The following FSTL5 variants were observed in gnomAD, a reference collection of about 807,000 sequenced individuals.
FSTL5 encodes the protein follistatin like 5.
A neutral mutation model predicts 89.1 loss-of-function variants in FSTL5; 62 were observed. The observed-to-expected ratio is 0.70, with a 90% CI of 0.57 to 0.86. The LOEUF (loss-of-function observed/expected upper bound fraction) is 0.86, where lower values mean the gene tolerates loss of function less well. Ranked by LOEUF, FSTL5 falls within the 40% of genes least tolerant of loss-of-function variation. FSTL5 has a pLI of 0.00. For synonymous variants in FSTL5, 383 were observed against 346.2 expected (o/e 1.11, Z -1.18); for missense variants, 1,057 against 1,001.6 (o/e 1.06, Z -0.75).
chr4:161,387,678 A>C (rs1730692272), intron 15 of FSTL5: 1 of 152,064 alleles, frequency 6.6e-6, no homozygotes, highest in Non-Finnish European at 1.5e-5. Context: ...ATAGAAAAAT[A>C]AAATATTCTC....
chr4:161,919,691 C>T (rs773030051), intron 4 of FSTL5, among the ~76,000 whole-genome samples: 5 of 151,894 alleles, frequency 3.3e-5, no homozygotes, highest in Non-Finnish European at 7.4e-5. Context: ...TGACTATAAA[C>T]GAGAAAATAT....
Position 162,012,944 on chromosome 4 carries a change from G to A in FSTL5, c.160+20681C>T, listed in dbSNP as rs575608328. Among the ~76,000 whole-genome samples, 5 of 152,066 alleles carry A rather than the reference G, an allele frequency of 3.3e-5. No homozygotes were observed. The East Asian group carries it at 9.7e-4, about 29-fold the overall frequency. ...CACTCCTGTAGTTCTAGCACTTTGGGAGGCCAAGGTGGGCAGATCACATGA... is the reference window on the plus strand; with the variant it reads ...CACTCCTGTAGTTCTAGCACTTTGGAAGGCCAAGGTGGGCAGATCACATGA... On this transcript the variant is annotated intron_variant, in intron 3 of 15. Coordinates refer to ENST00000306100, the MANE Select transcript of FSTL5 (RefSeq NM_020116.5).
intron 10 of FSTL5, among the ~76,000 whole-genome samples, chr4:161,535,361 C>T (rs1213820405): frequency 6.6e-6 from 1 of 151,984 alleles, no homozygotes; most frequent in Non-Finnish European, 1.5e-5. Flanking sequence ...CCAGAATCTA[C>T]AAACATCTTA....
chr4:161,557,297 T>A (rs1245468891), intron 8 of FSTL5, among the ~76,000 whole-genome samples: 1 of 151,474 alleles, frequency 6.6e-6, no homozygotes, highest in Non-Finnish European at 1.5e-5. Flanking sequence ...ACACAATTTA[T>A]GTAATTTTTC....
chr4:162,141,330 T>C (rs1732737682), intron 1 of FSTL5, among the ~76,000 whole-genome samples: 1 of 85,926 alleles, frequency 1.2e-5, no homozygotes, highest in African/African-American at 3.9e-5. Context: ...TTAGCCAGGA[T>C]GGTCTCGATC....
intron 4 of FSTL5, among the ~76,000 whole-genome samples, chr4:161,855,463 T>C (rs1203879989): frequency 6.6e-6 from 1 of 152,126 alleles, no homozygotes; most frequent in Non-Finnish European, 1.5e-5. Flanking sequence ...AATAATTTGT[T>C]ATAGAATTTA....
At chr4:161,611,170 GTGTATATA>G (rs1179991214) in intron 7 of FSTL5, among the ~76,000 whole-genome samples, 6 of 144,060 alleles carry the variant, frequency 4.2e-5, no homozygotes, top group Non-Finnish European at 7.5e-5. Context: ...ATATATATAT[GTGTATATA>G]TGTATATATG....
chr4:161,628,977 A>G (rs1224557714), intron 7 of FSTL5, among the ~76,000 whole-genome samples: 1 of 152,264 alleles, frequency 6.6e-6, no homozygotes, highest in African/African-American at 2.4e-5. Context: ...TTATAGGGTT[A>G]TAATTTCTCA....
At chr4:161,926,111 G>A (rs1346386514) in intron 3 of FSTL5, among the ~76,000 whole-genome samples, 2 of 151,738 alleles carry the variant, frequency 1.3e-5, no homozygotes, top group Non-Finnish European at 2.9e-5. Context: ...TCATGGCAAG[G>A]GGCAGTTCAA....
intron 10 of FSTL5, among the ~76,000 whole-genome samples, chr4:161,521,869 AAAAAAG>A (rs1731046959): frequency 6.7e-6 from 1 of 149,364 alleles, no homozygotes; most frequent in South Asian, 2.1e-4. Flanking sequence ...AAAAAAGAAA[AAAAAAG>A]AAAAAAAGGT....
chr4:162,136,963 A>G (rs1276117437), intron 1 of FSTL5, among the ~76,000 whole-genome samples: 2 of 152,200 alleles, frequency 1.3e-5, no homozygotes, highest in Admixed American at 6.5e-5. Flanking sequence ...GGATAAATAG[A>G]CCTGTGATGA....
chr4:161,690,494 CA>C (rs1310467752), intron 6 of FSTL5, among the ~76,000 whole-genome samples: 6 of 151,908 alleles, frequency 3.9e-5, no homozygotes, highest in African/African-American at 1.5e-4. Flanking sequence ...GTCACTTGCC[CA>C]TGTTTTCATT....
chr4:161,544,457 G>T (rs1358499122), intron 8 of FSTL5, among the ~76,000 whole-genome samples: 1 of 151,924 alleles, frequency 6.6e-6, no homozygotes, highest in African/African-American at 2.4e-5. Context: ...AAAGCAGACT[G>T]GTTGTTGCTA....
chr4:162,133,172 A>C (rs775055841), intron 1 of FSTL5, among the ~76,000 whole-genome samples: 27 of 152,278 alleles, frequency 1.8e-4, no homozygotes, highest in Non-Finnish European at 3.2e-4. Context: ...GATGGTTCTA[A>C]TATTGTTCAG....
At chr4:161,767,499 C>A (rs1741054861) in intron 5 of FSTL5, among the ~76,000 whole-genome samples, 1 of 152,118 alleles carries the variant, frequency 6.6e-6, no homozygotes, top group African/African-American at 2.4e-5. Flanking sequence ...TTCACTTAAG[C>A]AAGCTTTATT....
intron 4 of FSTL5, among the ~76,000 whole-genome samples, chr4:161,782,463 T>C (rs1741708415): frequency 6.6e-6 from 1 of 152,194 alleles, no homozygotes; most frequent in African/African-American, 2.4e-5. Context: ...TAGTTCCTTC[T>C]GTTTTAGAGC....
At chr4:161,902,387 C>T (rs1168328827) in intron 4 of FSTL5, among the ~76,000 whole-genome samples, 1 of 152,008 alleles carries the variant, frequency 6.6e-6, no homozygotes, top group Admixed American at 6.6e-5. Flanking sequence ...TTGTAAAATA[C>T]ATAATGTTTT....
At chr4:161,427,350 A>T (rs1269411147) in intron 15 of FSTL5, among the ~76,000 whole-genome samples, 1 of 152,206 alleles carries the variant, frequency 6.6e-6, no homozygotes, top group Non-Finnish European at 1.5e-5. Flanking sequence ...CTATAGCTGC[A>T]TTTGTGAAAT....
chr4:162,101,632 A>T (rs1458582433), intron 2 of FSTL5, among the ~76,000 whole-genome samples: 1 of 152,236 alleles, frequency 6.6e-6, no homozygotes, highest in Non-Finnish European at 1.5e-5. Flanking sequence ...TATAAAACTC[A>T]GTTCATATGT....
Sources: allele counts gnomAD v4.1 joint callset (sites outside exome capture counted in the v4.1 genomes callset), GRCh38; gene constraint gnomAD v4.1.1; transcripts MANE v1.5; gene names NCBI Gene and HGNC (gene_info 2026-07-23, HGNC 2026-07-21).